HSD17B3: variants seen among roughly 807,000 people sequenced by gnomAD.
The protein encoded by HSD17B3 is hydroxysteroid 17-beta dehydrogenase 3, also known as 17-beta-hydroxysteroid dehydrogenase type 3.
HSD17B3 carries 29 observed loss-of-function variants against 41.1 expected under a neutral mutation model. The ratio of observed to expected loss-of-function variants is 0.71; its 90% CI spans 0.53 to 0.96. The LOEUF is 0.96. Ranked by LOEUF, HSD17B3 falls within the 40% of genes least tolerant of loss-of-function variation. The probability of loss-of-function intolerance (pLI) is 0.00; values close to 1 mark genes in which losing one functional copy is unlikely to be tolerated. For synonymous variants in HSD17B3, 126 were observed against 145.6 expected (o/e 0.87, Z 0.97); for missense variants, 323 against 374.6 (o/e 0.86, Z 1.14).
intron 2 of HSD17B3, among the ~76,000 whole-genome samples, chr9:96,283,934 G>C (rs1228431659): frequency 6.6e-6 from 1 of 152,022 alleles, no homozygotes; most frequent in African/African-American, 2.4e-5. Flanking sequence ...ACCAGTAAAA[G>C]TCTAAAGTGG....
chr9:96,281,988 A>C (rs1826714951), intron 2 of HSD17B3, among the ~76,000 whole-genome samples: 2 of 152,192 alleles, frequency 1.3e-5, no homozygotes, highest in Admixed American at 6.5e-5. Flanking sequence ...GCTAGTCGTA[A>C]GCTGCAGCAA....
intron 2 of HSD17B3, among the ~76,000 whole-genome samples, chr9:96,289,476 A>G (rs1179743829): frequency 6.6e-6 from 1 of 151,894 alleles, no homozygotes; most frequent in African/African-American, 2.4e-5. Context: ...CCCTACCCCC[A>G]CCTCTAGCCT....
At position 96,251,435 on chromosome 9, in the gene HSD17B3, C is replaced by A. The variant is rs779332674; in HGVS notation, c.436G>T (p.Ala146Ser). The change falls in exon 5 of 11, where the codon GCA becomes TCA. Residue 146 changes from alanine to serine, a missense_variant. Transcript: ENST00000375263. ...AAGTCTACCTGGATTTCATCCGGTG[C>A]GTTCAGGAAATGGCTTGGGAGAAGG... is the stretch of plus-strand genomic sequence containing the variant. ...PNLLPSHFLN[A>S]PDEIQSLIHC... 2.5e-6 allele frequency: 4 copies of A among 1,613,902 alleles called. No homozygotes were observed.
In HSD17B3 at chr9:96,252,924, AAC is replaced by A; in HGVS notation, c.278-16_278-15del. ...CTGTAGTCCGCTCTACACGAGAGACAACAGTTTTTTTAATGAACAGGGATCCA... is the reference window on the plus strand; with the variant it reads ...CTGTAGTCCGCTCTACACGAGAGACAAGTTTTTTTAATGAACAGGGATCCA... On this transcript the variant is annotated splice_polypyrimidine_tract_variant and intron_variant, in intron 3 of 10. Coordinates refer to ENST00000375263, the MANE Select transcript of HSD17B3 (RefSeq NM_000197.2). The A allele has an allele frequency of 6.4e-7, 1 of 1,553,786 alleles. No individual in the cohort carries two copies. The highest frequency in any genetic ancestry group is 8.9e-7 in the Non-Finnish European group (1 of 1,125,350).
At chr9:96,267,137 A>G (rs1415846377) in intron 2 of HSD17B3, among the ~76,000 whole-genome samples, 2 of 148,596 alleles carry the variant, frequency 1.3e-5, no homozygotes, top group Non-Finnish European at 3.0e-5. Flanking sequence ...TTAGTGGAAC[A>G]GCGCCAGGCA....
chr9:96,237,766 G>C (rs1322394462), intron 10 of HSD17B3, among the ~76,000 whole-genome samples: 1 of 151,990 alleles, frequency 6.6e-6, no homozygotes, highest in African/African-American at 2.4e-5. Flanking sequence ...CCTTTTCCTG[G>C]TCTGTTCTTG....
chr9:96,237,166 A>C (rs1442862586), intron 10 of HSD17B3, among the ~76,000 whole-genome samples: 1 of 152,182 alleles, frequency 6.6e-6, no homozygotes, highest in Non-Finnish European at 1.5e-5. Flanking sequence ...TCTTGAACTA[A>C]ATGTTTTGCC....
At chr9:96,259,272 C>G (rs1431849713) in intron 2 of HSD17B3, among the ~76,000 whole-genome samples, 1 of 152,136 alleles carries the variant, frequency 6.6e-6, no homozygotes, top group Non-Finnish European at 1.5e-5. Flanking sequence ...TTCCTGCCAC[C>G]AGGATCTTAT....
intron 2 of HSD17B3, among the ~76,000 whole-genome samples, chr9:96,277,170 C>T (rs1442632828): frequency 1.4e-5 from 2 of 145,322 alleles, no homozygotes; most frequent in Non-Finnish European, 3.0e-5. Context: ...CACTGCACTC[C>T]AGCCTGGGCG....
intron 6 of HSD17B3, among the ~76,000 whole-genome samples, chr9:96,248,449 A>T (rs1836760017): frequency 6.6e-6 from 1 of 152,142 alleles, no homozygotes; most frequent in Admixed American, 6.5e-5. Flanking sequence ...CTTCCAGTCC[A>T]TGTTGTTCAG....
intron 5 of HSD17B3, chr9:96,250,168 A>T: frequency 8.3e-7 from 1 of 1,210,830 alleles, no homozygotes; most frequent in Non-Finnish European, 1.0e-6. Context: ...GTATAATATA[A>T]GGTAGAGGTT....
intron 2 of HSD17B3, among the ~76,000 whole-genome samples, chr9:96,297,554 C>G (rs1016246433): frequency 1.3e-5 from 2 of 151,922 alleles, no homozygotes; most frequent in African/African-American, 4.8e-5. Flanking sequence ...ACCATGTTGG[C>G]CAGGCTGGTC....
intron 2 of HSD17B3, among the ~76,000 whole-genome samples, chr9:96,286,540 T>G (rs1273578932): frequency 6.7e-6 from 1 of 149,818 alleles, no homozygotes; most frequent in African/African-American, 2.5e-5. Flanking sequence ...AATACAAAAA[T>G]TTAGCCATGC....
intron 2 of HSD17B3, among the ~76,000 whole-genome samples, chr9:96,293,318 C>T (rs182234351): frequency 1.6e-4 from 24 of 152,210 alleles, no homozygotes; most frequent in African/African-American, 5.5e-4. Flanking sequence ...GGCCTCGTCT[C>T]GTCAGCTGAG....
At chr9:96,278,465 A>G (rs1388865907) in intron 2 of HSD17B3, among the ~76,000 whole-genome samples, 2 of 152,194 alleles carry the variant, frequency 1.3e-5, no homozygotes, top group Non-Finnish European at 2.9e-5. Flanking sequence ...AAGTTAAAGG[A>G]GAACAAAATA....
Position 96,298,406 on chromosome 9 carries a change from G to A in HSD17B3, c.201+10C>T. On this transcript the variant is annotated intron_variant, in intron 2 of 10. Transcript: ENST00000375263. ...CAAGGGAGGAGAAAGTCCCCAGGAA[G>A]ATAGCTTACCTCGAACGAGTACGCT... The A allele has an allele frequency of 6.2e-7, 1 of 1,610,922 alleles. No individual in the cohort carries two copies. Among genetic ancestry groups the A allele is most frequent in the Non-Finnish European group, 8.5e-7 (1 of 1,177,024 alleles).
intron 6 of HSD17B3, 103 bp downstream of exon 6, chr9:96,249,648 T>C: frequency 9.3e-7 from 1 of 1,071,088 alleles, no homozygotes; most frequent in East Asian, 2.4e-5. Context: ...TGGTTCGATT[T>C]CAAAGAATCC....
intron 2 of HSD17B3, among the ~76,000 whole-genome samples, chr9:96,280,882 G>T (rs917408972): frequency 6.6e-6 from 1 of 152,148 alleles, no homozygotes; most frequent in Non-Finnish European, 1.5e-5. Flanking sequence ...CACCAGCGCC[G>T]TGACAGTTTA....
At chr9:96,241,038 A>T in intron 9 of HSD17B3, 131 bp from the exon 10 acceptor site, 2 of 1,107,376 alleles carry the variant, frequency 1.8e-6, no homozygotes, top group South Asian at 2.7e-5. Flanking sequence ...TAAGATCTTG[A>T]GTGGAAAAAG....
Sources: gnomAD v4.1 joint callset for allele counts (sites outside exome capture counted in the v4.1 genomes callset) on GRCh38, gnomAD v4.1.1 for gene constraint, MANE v1.5 for transcripts, NCBI Gene and HGNC (gene_info 2026-07-23, HGNC 2026-07-21) for gene names.